Variants in GNG7 observed in about 807,000 individuals in gnomAD.
GNG7 encodes guanine nucleotide-binding protein G(I)/G(S)/G(O) subunit gamma-7.
In GNG7, 1 loss-of-function variant was observed where a neutral mutation model predicts 4.0. The observed-to-expected ratio is 0.25, with a 90% CI of 0.09 to 1.18. GNG7 has a LOEUF of 1.18. Among genes scored for constraint, GNG7 ranks in the 50% most tolerant of loss-of-function variants. The probability of loss-of-function intolerance (pLI) is 0.50; values close to 1 mark genes in which losing one functional copy is unlikely to be tolerated. For missense variants in GNG7, 86 were observed against 91.9 expected (o/e 0.94, Z 0.26); for synonymous variants, 34 against 36.9 (o/e 0.92, Z 0.29).
intron 2 of GNG7, among the ~76,000 whole-genome samples, chr19:2,580,052 C>A (rs984957851): frequency 6.6e-6 from 1 of 152,248 alleles, no homozygotes; most frequent in South Asian, 2.1e-4. Flanking sequence ...TGCACCCCCC[C>A]AGTGCCATCC....
rs1013698081 is a variant in GNG7 at position 2,511,506 on chromosome 19, G to C, written c.*3516C>G. On this transcript the variant is annotated 3_prime_UTR_variant, in exon 5 of 5. Coordinates refer to ENST00000382159, the MANE Select transcript of GNG7 (RefSeq NM_052847.3). This position sits in a 1 kb window ranked among gnomAD's most constrained non-coding sequence, Gnocchi z 6.3. Reference sequence around the variant, plus strand: ...ATATGGCTTCTGTGCAGAGGGCCTGGCCTCAGGCCGTGGACTTTTTAATAA... The same window carrying C: ...ATATGGCTTCTGTGCAGAGGGCCTGCCCTCAGGCCGTGGACTTTTTAATAA... 4 of 152,336 alleles carry C rather than the reference G, an allele frequency of 2.6e-5. No individual in the cohort carries two copies. The highest frequency in any genetic ancestry group is 9.6e-5 in the African/African-American group (4 of 41,456). The allele number at this position is 152,336 out of a possible 1,614,324, so 9.4% of individuals were successfully genotyped here.
chr19:2,573,820 G>A (rs920703490), intron 2 of GNG7, among the ~76,000 whole-genome samples: 1 of 152,170 alleles, frequency 6.6e-6, no homozygotes, highest in African/African-American at 2.4e-5. Flanking sequence ...TCCAGCCTGG[G>A]TGACAGAGCA....
chr19:2,584,296 A>AAAAAAC (rs1398656769), intron 2 of GNG7, among the ~76,000 whole-genome samples: 1 of 150,324 alleles, frequency 6.7e-6, no homozygotes, highest in African/African-American at 2.5e-5. Flanking sequence ...TTAAAAAAAA[A>AAAAAAC]AAAAAAAAGC....
chr19:2,554,083 T>C (rs1448660269), intron 3 of GNG7, among the ~76,000 whole-genome samples: 1 of 144,454 alleles, frequency 6.9e-6, no homozygotes, highest in East Asian at 1.9e-4. Flanking sequence ...GCAAAGGGAT[T>C]GCTTGAACCC....
chr19:2,674,055 G>A (rs559288410), intron 1 of GNG7, among the ~76,000 whole-genome samples: 14 of 152,276 alleles, frequency 9.2e-5, no homozygotes, highest in East Asian at 1.9e-4. Flanking sequence ...CCCAAGGTCA[G>A]GAGTTTGAGA....
intron 2 of GNG7, among the ~76,000 whole-genome samples, chr19:2,579,572 G>A (rs1980443107): frequency 6.6e-6 from 1 of 152,226 alleles, no homozygotes; most frequent in Admixed American, 6.5e-5. Flanking sequence ...GTAACAAGAG[G>A]AGGGAGGAGG....
In GNG7 at chr19:2,527,005, C is replaced by T. The variant is rs186378504; in HGVS notation, c.-37-6280G>A. On this transcript the variant is annotated intron_variant, in intron 3 of 4. Coordinates refer to ENST00000382159, the MANE Select transcript of GNG7 (RefSeq NM_052847.3). ...GGACTACAGGCGCGCGCCACCACAC[C>T]GGGCTAATTTTTGTATTTTTAGTAG... 5.6e-4 allele frequency among the ~76,000 whole-genome samples: 85 copies of T among 152,138 alleles called. 1 individual carries two copies. Among genetic ancestry groups the T allele is most frequent in the African/African-American group, 1.6e-3 (66 of 41,516 alleles).
chr19:2,645,362 C>T (rs1052787957), intron 2 of GNG7, among the ~76,000 whole-genome samples: 1 of 151,772 alleles, frequency 6.6e-6, no homozygotes, highest in Non-Finnish European at 1.5e-5. Flanking sequence ...CCTCAGCCTC[C>T]CGAGTAGCTT....
chr19:2,668,541 C>A lies in GNG7; in HGVS notation c.-134-22261G>T, dbSNP rs188886284. ...GAGATGGAGGGGCTGCTGGAGGGAGCCCCCGGAACACCCGAGGCCAATTTC... is the reference window on the plus strand; with the variant it reads ...GAGATGGAGGGGCTGCTGGAGGGAGACCCCGGAACACCCGAGGCCAATTTC... On this transcript the variant is annotated intron_variant, in intron 1 of 4. Coordinates refer to ENST00000382159, the MANE Select transcript of GNG7 (RefSeq NM_052847.3). Among the ~76,000 whole-genome samples, 429 of 152,210 alleles carry A rather than the reference C, an allele frequency of 2.8e-3. 6 individuals are homozygous for A. Among genetic ancestry groups the A allele is most frequent in the African/African-American group, 8.9e-3 (370 of 41,510 alleles).
Position 2,611,759 on chromosome 19 carries a change from C to T in GNG7, c.-78+34465G>A, listed in dbSNP as rs185255349. The T allele has an allele frequency of 1.3e-3, 195 of 152,222 alleles. 1 individual carries two copies. The highest frequency in any genetic ancestry group is 4.4e-3 in the African/African-American group (182 of 41,536). 9.4% of individuals were successfully genotyped at this position (152,222 alleles called of 1,614,324 possible). On this transcript the variant is annotated intron_variant, in intron 2 of 4. Coordinates refer to ENST00000382159, the MANE Select transcript of GNG7 (RefSeq NM_052847.3). This position sits in a 1 kb window ranked among gnomAD's most constrained non-coding sequence, Gnocchi z 6.0. Reference sequence around the variant, plus strand: ...ACCGAGGCAGGAGAATCGCTCGAACCGGGGAGGTGGAGGCTGCACTGAGCG... The same window carrying T: ...ACCGAGGCAGGAGAATCGCTCGAACTGGGGAGGTGGAGGCTGCACTGAGCG...
At chr19:2,654,696 C>T (rs1982919050) in intron 1 of GNG7, among the ~76,000 whole-genome samples, 2 of 152,194 alleles carry the variant, frequency 1.3e-5, no homozygotes, top group Admixed American at 1.3e-4. Context: ...TGTTGTCTGC[C>T]CCATTGGGAG....
Position 2,648,110 on chromosome 19 carries a change from G to A in GNG7, c.-134-1830C>T, listed in dbSNP as rs1055009280. Among the ~76,000 whole-genome samples, 7 of 150,268 alleles carry A rather than the reference G, an allele frequency of 4.7e-5. No individual in the cohort carries two copies. The South Asian group carries it at 6.3e-4, about 14-fold the overall frequency. ...AAAAGGACATTAGAAGAAAAAAACCGTGAAACTGGGATAAAGAGTGAAATT... is the reference window on the plus strand; with the variant it reads ...AAAAGGACATTAGAAGAAAAAAACCATGAAACTGGGATAAAGAGTGAAATT... On this transcript the variant is annotated intron_variant, in intron 1 of 4. Coordinates refer to ENST00000382159, the MANE Select transcript of GNG7 (RefSeq NM_052847.3).
intron 2 of GNG7, among the ~76,000 whole-genome samples, chr19:2,580,479 C>T (rs1291752044): frequency 1.3e-5 from 2 of 150,786 alleles, no homozygotes; most frequent in South Asian, 2.1e-4. Context: ...TTAGTAGAGA[C>T]GAGGTTTTGC....
At chr19:2,587,861 G>GAGAAGGAA (rs1315499313) in intron 2 of GNG7, among the ~76,000 whole-genome samples, 1 of 121,270 alleles carries the variant, frequency 8.2e-6, no homozygotes, top group Non-Finnish European at 1.7e-5. Flanking sequence ...GAGAGAAAGA[G>GAGAAGGAA]AGAAGGAAGG....
chr19:2,635,125 C>T (rs1982272190), intron 2 of GNG7, among the ~76,000 whole-genome samples: 1 of 152,250 alleles, frequency 6.6e-6, no homozygotes, highest in African/African-American at 2.4e-5. Context: ...GGCCTCCACC[C>T]ACTCCATGCC....
chr19:2,580,070 C>T (rs1453343235), intron 2 of GNG7, among the ~76,000 whole-genome samples: 1 of 152,108 alleles, frequency 6.6e-6, no homozygotes, highest in East Asian at 1.9e-4. Context: ...TCCCAGAGGA[C>T]CCACTCAATA....
Position 2,653,788 on chromosome 19 carries a change from C to G in GNG7, c.-134-7508G>C, listed in dbSNP as rs1982891166. Among the ~76,000 whole-genome samples, 1 of 152,192 alleles carries G rather than the reference C, an allele frequency of 6.6e-6. No homozygotes were observed. The highest frequency in any genetic ancestry group is 2.1e-4 in the South Asian group (1 of 4,830). ...ATCTTCAGATGGTGCCCTTGAGGCCCAGGGCCCGTGTCCCCTCCTCACTCA... is the reference window on the plus strand; with the variant it reads ...ATCTTCAGATGGTGCCCTTGAGGCCGAGGGCCCGTGTCCCCTCCTCACTCA... On this transcript the variant is annotated intron_variant, in intron 1 of 4. Coordinates refer to ENST00000382159, the MANE Select transcript of GNG7 (RefSeq NM_052847.3). This position sits in a 1 kb window ranked among gnomAD's most constrained non-coding sequence, Gnocchi z 4.8.
At chr19:2,675,692 T>A (rs1024699207) in intron 1 of GNG7, among the ~76,000 whole-genome samples, 5 of 151,830 alleles carry the variant, frequency 3.3e-5, no homozygotes, top group African/African-American at 9.7e-5. Flanking sequence ...GGGGTCTCAA[T>A]GGGGCGGGGG....
intron 2 of GNG7, among the ~76,000 whole-genome samples, chr19:2,577,061 AT>A: frequency 6.6e-6 from 1 of 152,340 alleles, no homozygotes; most frequent in East Asian, 1.9e-4. Flanking sequence ...AAGTCTTTGT[AT>A]TCCTGTTGGC....
Sources: allele counts gnomAD v4.1 joint callset (sites outside exome capture counted in the v4.1 genomes callset), GRCh38; gene constraint gnomAD v4.1.1; non-coding constraint Gnocchi (gnomAD v3.1); transcripts MANE v1.5; gene names NCBI Gene and HGNC (gene_info 2026-07-23, HGNC 2026-07-21).